The following CYRIB variants were observed in gnomAD, a reference collection of about 807,000 sequenced individuals.
CYRIB encodes the protein CYFIP-related Rac1 interactor B.
A neutral mutation model predicts 44.2 loss-of-function variants in CYRIB; 8 were observed. That is an observed-to-expected ratio of 0.18 (90% CI 0.11 to 0.33). CYRIB has a LOEUF of 0.33. CYRIB is among the 10% of genes least tolerant of loss of function. The probability of loss-of-function intolerance (pLI) is 1.00; values close to 1 mark genes in which losing one functional copy is unlikely to be tolerated. For missense variants in CYRIB, 185 were observed against 382.8 expected (o/e 0.48, Z 4.31); for synonymous variants, 131 against 127.2 (o/e 1.03, Z -0.20).
intron 1 of CYRIB, among the ~76,000 whole-genome samples, chr8:129,975,344 C>T (rs1180522277): frequency 6.6e-6 from 1 of 152,170 alleles, no homozygotes; most frequent in African/African-American, 2.4e-5. Context: ...GACATTTCTA[C>T]CCATAATCCC....
chr8:130,011,196 C>T (rs12550248), intron 1 of CYRIB, among the ~76,000 whole-genome samples: 64,518 of 151,956 alleles, frequency 0.42, 14,188 homozygotes, highest in African/African-American at 0.54. Context: ...TGGCCCTCTC[C>T]GACCCTCAAG....
At chr8:129,894,115 AAC>A (rs1175111302) in intron 2 of CYRIB, among the ~76,000 whole-genome samples, 10 of 152,312 alleles carry the variant, frequency 6.6e-5, no homozygotes, top group African/African-American at 2.4e-4. Context: ...TTTAAATATT[AAC>A]AGTTATGCTT....
At chr8:129,933,227 C>G (rs2092016274) in intron 1 of CYRIB, among the ~76,000 whole-genome samples, 1 of 152,162 alleles carries the variant, frequency 6.6e-6, no homozygotes, top group African/African-American at 2.4e-5. Context: ...GTTGCTCTCT[C>G]CCCCTCCACA....
intron 1 of CYRIB, among the ~76,000 whole-genome samples, chr8:129,914,603 A>G (rs1265213441): frequency 1.3e-5 from 2 of 152,212 alleles, no homozygotes; most frequent in African/African-American, 2.4e-5. Context: ...TACTCTTGAA[A>G]AGATTTTTAC....
chr8:129,985,055 C>G (rs2096401327), intron 1 of CYRIB, among the ~76,000 whole-genome samples: 1 of 152,228 alleles, frequency 6.6e-6, no homozygotes, highest in Non-Finnish European at 1.5e-5. Flanking sequence ...CAGGCGTGAG[C>G]CACCACGCCC....
intron 1 of CYRIB, among the ~76,000 whole-genome samples, chr8:129,984,595 C>T (rs2096379439): frequency 6.6e-6 from 1 of 152,124 alleles, no homozygotes. Context: ...GCCCTGCCCT[C>T]CCCCAACACC....
exon 12 of CYRIB, chr8:129,841,222 A>T (rs1256094031): frequency 6.6e-6 from 1 of 152,190 alleles, no homozygotes; most frequent in Non-Finnish European, 1.5e-5. Context: ...CCATTACTAC[A>T]TCCATACAAG....
At chr8:129,861,607 T>TTTTG (rs1436834448) in intron 5 of CYRIB, among the ~76,000 whole-genome samples, 1 of 151,272 alleles carries the variant, frequency 6.6e-6, no homozygotes, top group Admixed American at 6.6e-5. Context: ...CTCAGCTTAT[T>TTTTG]TTTGTTTGTT....
chr8:129,888,631 G>C (rs1220277832), intron 2 of CYRIB, among the ~76,000 whole-genome samples: 1 of 152,080 alleles, frequency 6.6e-6, no homozygotes, highest in Non-Finnish European at 1.5e-5. Context: ...TTCCCAAACT[G>C]ATGGTTCGTA....
chr8:129,898,998 G>A (rs752050270), intron 2 of CYRIB, among the ~76,000 whole-genome samples: 2 of 152,034 alleles, frequency 1.3e-5, no homozygotes, highest in Non-Finnish European at 2.9e-5. Context: ...CAAGTAGCTG[G>A]GATTACAGGC....
At chr8:129,990,006 G>T (rs1338051920) in intron 1 of CYRIB, among the ~76,000 whole-genome samples, 1 of 152,074 alleles carries the variant, frequency 6.6e-6, no homozygotes, top group Non-Finnish European at 1.5e-5. Flanking sequence ...GTATTCCATG[G>T]TGTATATATG....
chr8:129,940,040 T>G (rs2093555285), upstream of CYRIB: 1 of 152,106 alleles, frequency 6.6e-6, no homozygotes, highest in South Asian at 2.1e-4. Flanking sequence ...GCCACCCCCT[T>G]GCACCCCGGC....
chr8:129,975,523 T>C (rs1358175394), intron 1 of CYRIB, among the ~76,000 whole-genome samples: 1 of 152,250 alleles, frequency 6.6e-6, no homozygotes, highest in Non-Finnish European at 1.5e-5. Flanking sequence ...ACAAAAACTT[T>C]TATTATGCAA....
At chr8:129,893,246 G>A (rs1469188600) in intron 2 of CYRIB, among the ~76,000 whole-genome samples, 1 of 152,188 alleles carries the variant, frequency 6.6e-6, no homozygotes, top group Non-Finnish European at 1.5e-5. Flanking sequence ...AGTATCAGTG[G>A]TGGTAGTCGT....
chr8:129,956,420 A>T lies in CYRIB; in HGVS notation c.-243+14523T>A, dbSNP rs148274709. Among the ~76,000 whole-genome samples, 448 of 152,282 alleles carry T rather than the reference A, an allele frequency of 2.9e-3. 5 individuals carry two copies. Among genetic ancestry groups the T allele is most frequent in the African/African-American group, 0.01 (435 of 41,548 alleles). ...TATGAAGTAATTCATCTAGTGTATG[A>T]CCTTAGGCTTGGGATTTTAAAAGAT... On this transcript the variant is annotated intron_variant, in intron 2 of 14. Coordinates refer to the CYRIB transcript ENST00000401979.
intron 1 of CYRIB, among the ~76,000 whole-genome samples, chr8:130,007,464 C>A (rs933283223): frequency 2.0e-5 from 3 of 152,148 alleles, no homozygotes; most frequent in Non-Finnish European, 4.4e-5. Flanking sequence ...ACAGAGTTAC[C>A]ATGAAAGTAA....
chr8:129,929,178 T>C (rs1481315641), intron 1 of CYRIB, among the ~76,000 whole-genome samples: 2 of 152,108 alleles, frequency 1.3e-5, no homozygotes, highest in Non-Finnish European at 2.9e-5. Context: ...ACATAAAAGA[T>C]ACTGTATGTT....
At chr8:129,944,050 A>T (rs1259673657), upstream of CYRIB, among the ~76,000 whole-genome samples, 1 of 151,888 alleles carries the variant, frequency 6.6e-6, no homozygotes. Context: ...ATTGTAAAGG[A>T]CATCATACAC....
intron 1 of CYRIB, among the ~76,000 whole-genome samples, chr8:129,980,394 T>C (rs2096174798): frequency 6.6e-6 from 1 of 152,252 alleles, no homozygotes; most frequent in Non-Finnish European, 1.5e-5. Flanking sequence ...AAGAAGTTTT[T>C]TGATGCTTTA....
Sources: gnomAD v4.1 joint callset for allele counts (sites outside exome capture counted in the v4.1 genomes callset) on GRCh38, gnomAD v4.1.1 for gene constraint, MANE v1.5 for transcripts, NCBI Gene and HGNC (gene_info 2026-07-23, HGNC 2026-07-21) for gene names.